Variants in DCAF6 observed in about 807,000 individuals in gnomAD.
DCAF6 encodes the protein DDB1 and CUL4 associated factor 6.
A neutral mutation model predicts 125.1 loss-of-function variants in DCAF6; 54 were observed. That is an observed-to-expected ratio of 0.43 (90% CI 0.35 to 0.54). The LOEUF is 0.54. Among genes scored for constraint, DCAF6 ranks in the 20% least tolerant of loss-of-function variants. DCAF6 has a pLI of 0.01. For synonymous variants in DCAF6, 371 were observed against 390.4 expected (o/e 0.95, Z 0.58); for missense variants, 934 against 1,161.7 (o/e 0.80, Z 2.85).
the DCAF6 span, chr1:167,904,739 G>C: frequency 1.6e-6 from 1 of 613,960 alleles, no homozygotes; most frequent in Non-Finnish European, 2.9e-6. Context: ...TTGGGGCAGA[G>C]ATACTGGAGC....
intron 21 of DCAF6, among the ~76,000 whole-genome samples, chr1:168,072,568 T>G (rs1034347812): frequency 6.6e-6 from 1 of 152,152 alleles, no homozygotes; most frequent in Non-Finnish European, 1.5e-5. Context: ...GAGACCCAGT[T>G]TGTCTTAATT....
At chr1:168,034,707 A>G (rs575614313) in intron 12 of DCAF6, among the ~76,000 whole-genome samples, 2 of 152,290 alleles carry the variant, frequency 1.3e-5, no homozygotes, top group African/African-American at 4.8e-5. Context: ...TATTAATATG[A>G]TAGCTTTCTA....
At chr1:167,917,317 A>T in the DCAF6 span, 1 of 152,260 alleles carries the variant, frequency 6.6e-6, no homozygotes, top group South Asian at 2.1e-4. Flanking sequence ...GTCACAGCAT[A>T]GGCTGGGTAT....
chr1:167,901,306 A>G, the DCAF6 span, among the ~76,000 whole-genome samples: 1 of 152,092 alleles, frequency 6.6e-6, no homozygotes, highest in Non-Finnish European at 1.5e-5. Context: ...ATGGCAAGCT[A>G]GTCTCTATTT....
upstream of DCAF6, among the ~76,000 whole-genome samples, chr1:167,931,895 A>T (rs929633094): frequency 7.9e-5 from 12 of 152,208 alleles, no homozygotes; most frequent in Admixed American, 1.3e-4. Flanking sequence ...TTTAAAATTA[A>T]ACAAGCTAAT....
the DCAF6 span, among the ~76,000 whole-genome samples, chr1:167,906,755 C>G: frequency 6.6e-6 from 1 of 152,012 alleles, no homozygotes; most frequent in Admixed American, 6.5e-5. Flanking sequence ...TGTCACTGCA[C>G]TCTATCCTAG....
intron 3 of DCAF6, chr1:167,968,486 C>T (rs1557905127): frequency 6.6e-6 from 1 of 152,250 alleles, no homozygotes. Flanking sequence ...GAACACCTCT[C>T]TCTAGAGCAC....
At chr1:167,958,346 T>G (rs1057191968) in intron 2 of DCAF6, among the ~76,000 whole-genome samples, 7 of 146,624 alleles carry the variant, frequency 4.8e-5, no homozygotes, top group Non-Finnish European at 7.6e-5. Context: ...TTTTTTTTTG[T>G]TTTTTTTTTG....
chr1:167,884,730 C>T, the DCAF6 span, among the ~76,000 whole-genome samples: 1 of 141,198 alleles, frequency 7.1e-6, no homozygotes, highest in African/African-American at 2.7e-5. Context: ...CGGAGTCTCG[C>T]TCTGTTGCTC....
At chr1:167,895,138 C>T in the DCAF6 span, among the ~76,000 whole-genome samples, 66 of 149,560 alleles carry the variant, frequency 4.4e-4, no homozygotes, top group African/African-American at 1.5e-3. Flanking sequence ...GCCCATATCG[C>T]GCCAGTGCAC....
chr1:167,880,030 C>T, the DCAF6 span: 9 of 1,167,972 alleles, frequency 7.7e-6, no homozygotes, highest in Non-Finnish European at 1.0e-5. Context: ...ATGTCTCACT[C>T]ATTTTTGTGC....
intron 3 of DCAF6, among the ~76,000 whole-genome samples, chr1:167,967,049 T>A (rs1425013845): frequency 6.6e-6 from 1 of 152,152 alleles, no homozygotes; most frequent in Non-Finnish European, 1.5e-5. Context: ...ATGAGAAAAT[T>A]ACTTTTATGT....
chr1:167,909,921 C>A, the DCAF6 span, among the ~76,000 whole-genome samples: 3,059 of 151,548 alleles, frequency 0.02, 75 homozygotes, highest in African/African-American at 0.053. Context: ...AGTGGCAAGA[C>A]CAGCCGGCGC....
the DCAF6 span, among the ~76,000 whole-genome samples, chr1:167,925,273 G>A: frequency 2.0e-5 from 3 of 151,366 alleles, no homozygotes; most frequent in South Asian, 2.1e-4. Context: ...TGACTTTCTC[G>A]AAGCTAGTGG....
chr1:168,009,345 C>T (rs200189322), intron 10 of DCAF6, among the ~76,000 whole-genome samples: 2 of 127,944 alleles, frequency 1.6e-5, no homozygotes, highest in East Asian at 2.3e-4. Context: ...CTTCCTTCCT[C>T]CCTTCCTTCC....
intron 17 of DCAF6, among the ~76,000 whole-genome samples, chr1:168,059,744 C>CAGGCG (rs111819792): frequency 2.9e-3 from 443 of 152,220 alleles, no homozygotes; most frequent in African/African-American, 0.01. Context: ...CTCCTAGGCT[C>CAGGCG]AGGCGATCCT....
chr1:168,011,978 A>C (rs2103142908), intron 10 of DCAF6, among the ~76,000 whole-genome samples: 1 of 145,214 alleles, frequency 6.9e-6, no homozygotes, highest in Middle Eastern at 3.9e-3. Context: ...GTCTCAGAAA[A>C]AAGAAAGAAA....
chr1:167,997,349 C>T (rs576465272), intron 7 of DCAF6, among the ~76,000 whole-genome samples: 1 of 152,304 alleles, frequency 6.6e-6, no homozygotes, highest in Non-Finnish European at 1.5e-5. Flanking sequence ...ATGAAGCCCT[C>T]TCCTTTTGGG....
intron 13 of DCAF6, 42 bp from the exon 14 acceptor site, chr1:168,042,982 GA>G (rs754315525): frequency 2.0e-5 from 28 of 1,414,704 alleles, no homozygotes; most frequent in Non-Finnish European, 2.5e-5. Context: ...AGATCATATT[GA>G]TTAACTTCTT....
Sources: gnomAD v4.1 joint callset for allele counts (sites outside exome capture counted in the v4.1 genomes callset) on GRCh38, gnomAD v4.1.1 for gene constraint, MANE v1.5 for transcripts, NCBI Gene and HGNC (gene_info 2026-07-23, HGNC 2026-07-21) for gene names.